The following ANGPT2 variants were observed in gnomAD, a reference collection of about 807,000 sequenced individuals.
The protein encoded by ANGPT2 is angiopoietin 2.
A neutral mutation model predicts 62.9 loss-of-function variants in ANGPT2; 28 were observed. The ratio of observed to expected loss-of-function variants is 0.44; its 90% CI spans 0.33 to 0.61. The LOEUF (loss-of-function observed/expected upper bound fraction) is 0.61, where lower values mean the gene tolerates loss of function less well. ANGPT2 is among the 20% of genes least tolerant of loss of function. The pLI is 0.03. For synonymous variants in ANGPT2, 284 were observed against 207.8 expected, an observed-to-expected ratio of 1.37 and a Z score of -3.15; for missense variants, 727 against 594.9, an observed-to-expected ratio of 1.22 and a Z score of -2.31.
intron 7 of ANGPT2, among the ~76,000 whole-genome samples, chr8:6,510,626 A>G (rs532982329): frequency 8.5e-4 from 130 of 152,332 alleles, no homozygotes; most frequent in African/African-American, 3.1e-3. Flanking sequence ...AGGTTCAGAG[A>G]TATAAACTTG....
Position 6,499,853 on chromosome 8 carries a change from T to C in ANGPT2, c.*3248A>G. The C allele has an allele frequency of 6.2e-7, 1 of 1,612,942 alleles. No individual in the cohort carries two copies. The highest frequency in any genetic ancestry group is 8.5e-7 in the Non-Finnish European group (1 of 1,179,840). ...ATCTGCTTGTTGTGTCACTTGCAGG[T>C]GCTATGGTCTTTAGAATTGGGTCAC... is the stretch of plus-strand genomic sequence containing the variant. On this transcript the variant is annotated 3_prime_UTR_variant, in exon 9 of 9. Transcript: ENST00000629816.
intron 3 of ANGPT2, among the ~76,000 whole-genome samples, chr8:6,525,370 C>T (rs894030652): frequency 5.3e-5 from 8 of 152,140 alleles, no homozygotes; most frequent in South Asian, 2.1e-4. Flanking sequence ...GGAGGGATTA[C>T]AGGTGTGTGC....
At chr8:6,556,512 T>A (rs1300280841) in intron 1 of ANGPT2, among the ~76,000 whole-genome samples, 1 of 1,796 alleles carries the variant, frequency 5.6e-4, no homozygotes, top group Non-Finnish European at 0.013. Context: ...TCTCATTTCA[T>A]TCATTTACCC....
intron 7 of ANGPT2, among the ~76,000 whole-genome samples, chr8:6,510,618 G>T (rs140252456): frequency 3.8e-4 from 58 of 152,300 alleles, no homozygotes; most frequent in East Asian, 1.5e-3. Context: ...AGTCACTGAG[G>T]TTCAGAGATA....
intron 1 of ANGPT2, among the ~76,000 whole-genome samples, chr8:6,535,742 T>G (rs927953697): frequency 6.6e-6 from 1 of 152,140 alleles, no homozygotes; most frequent in Non-Finnish European, 1.5e-5. Flanking sequence ...GTAGATATTT[T>G]GTGTTGATTT....
chr8:6,546,689 A>C (rs1445981178), intron 1 of ANGPT2, among the ~76,000 whole-genome samples: 1 of 152,212 alleles, frequency 6.6e-6, no homozygotes, highest in African/African-American at 2.4e-5. Context: ...GTGAATCACT[A>C]AGGGTCCCAT....
intron 1 of ANGPT2, among the ~76,000 whole-genome samples, chr8:6,542,291 GGT>G (rs59101845): frequency 0.04 from 6,048 of 149,372 alleles, 316 homozygotes; most frequent in African/African-American, 0.12. Flanking sequence ...GTGAGGTAGG[GGT>G]GTGTGTGTGT....
At chr8:6,519,813 A>G in intron 5 of ANGPT2, 51 bp downstream of exon 5, 1 of 1,599,238 alleles carries the variant, frequency 6.3e-7, no homozygotes, top group East Asian at 2.2e-5. Flanking sequence ...TCACTCACTA[A>G]AGTGGCCTGC....
intron 8 of ANGPT2, among the ~76,000 whole-genome samples, chr8:6,507,042 C>A (rs1296413152): frequency 6.6e-6 from 1 of 151,894 alleles, no homozygotes; most frequent in Non-Finnish European, 1.5e-5. Flanking sequence ...GGATTACAGG[C>A]GTATGCCACC....
chr8:6,547,634 A>G (rs1381225502), intron 1 of ANGPT2, among the ~76,000 whole-genome samples: 1 of 152,042 alleles, frequency 6.6e-6, no homozygotes, highest in East Asian at 1.9e-4. Flanking sequence ...ACATGTTCCT[A>G]TCAAACAGTG....
rs998218905 is a variant in ANGPT2 at position 6,527,638 on chromosome 8, C to T, written c.483G>A (p.Leu161=). ...ATTTGTTTGTCGAGAGGGAGTGTTCCAAGAGCTGAAGTTCAAGTCTCGTGG... is the reference window on the plus strand; with the variant it reads ...ATTTGTTTGTCGAGAGGGAGTGTTCTAAGAGCTGAAGTTCAAGTCTCGTGG... The part of the protein sequence containing the change: ...NQTTRLELQL[L]EHSLSTNKLE... Residue 161 remains leucine, a synonymous_variant, in exon 3 of 9, where the codon TTG becomes TTA. Coordinates refer to ENST00000629816, the MANE Select transcript of ANGPT2 (RefSeq NM_001118887.2). 4 of 1,613,874 alleles carry T rather than the reference C, an allele frequency of 2.5e-6. No individual in the cohort carries two copies. The South Asian group carries it at 3.3e-5, about 13-fold the overall frequency.
chr8:6,548,732 G>A (rs1258659282), intron 1 of ANGPT2, among the ~76,000 whole-genome samples: 3 of 152,206 alleles, frequency 2.0e-5, no homozygotes, highest in Admixed American at 6.5e-5. Context: ...AAATTATTGT[G>A]TATAACAAGC....
chr8:6,531,878 G>C (rs1028330974), intron 2 of ANGPT2, among the ~76,000 whole-genome samples: 3 of 152,208 alleles, frequency 2.0e-5, no homozygotes, highest in Non-Finnish European at 4.4e-5. Flanking sequence ...TCCACAGGCT[G>C]TGTTAGCTGT....
At chr8:6,514,853 G>A in intron 5 of ANGPT2, 75 bp from the exon 6 acceptor site, 1 of 1,313,746 alleles carries the variant, frequency 7.6e-7, no homozygotes, top group Non-Finnish European at 1.1e-6. Context: ...CAGGAGGAAT[G>A]TAGACCCTGA....
intron 3 of ANGPT2, 95 bp downstream of exon 3, chr8:6,527,459 GA>G (rs1818542551): frequency 1.5e-5 from 22 of 1,468,534 alleles, no homozygotes; most frequent in Non-Finnish European, 1.9e-5. Context: ...TAGACATGAA[GA>G]AACTCACCAT....
At chr8:6,513,963 G>A in intron 6 of ANGPT2, 119 bp from the exon 7 acceptor site, 5 of 978,776 alleles carry the variant, frequency 5.1e-6, no homozygotes, top group East Asian at 2.7e-5. Context: ...TCCTTCTGGT[G>A]CTGTGACAAT....
At chr8:6,561,989 A>T (rs897519904) in intron 1 of ANGPT2, among the ~76,000 whole-genome samples, 1 of 152,144 alleles carries the variant, frequency 6.6e-6, no homozygotes, top group Admixed American at 6.5e-5. Flanking sequence ...GCTGGAACTG[A>T]CGGGGGCTGC....
chr8:6,535,237 A>T (rs1012679862), intron 1 of ANGPT2, among the ~76,000 whole-genome samples: 3 of 152,196 alleles, frequency 2.0e-5, no homozygotes, highest in African/African-American at 7.2e-5. Context: ...GCCTTCCCCC[A>T]TTTCTAGAGC....
At position 6,513,804 on chromosome 8, in the gene ANGPT2, T is replaced by G; in HGVS notation, c.1070A>C (p.Glu357Ala). 1 of 1,613,864 alleles carries G rather than the reference T, an allele frequency of 6.2e-7. No homozygotes were observed. Among genetic ancestry groups the G allele is most frequent in the Non-Finnish European group, 8.5e-7 (1 of 1,179,954 alleles). The change falls in exon 7 of 9, where the codon GAG (glutamate) becomes GCG (alanine). Residue 357 changes from glutamate to alanine, a missense_variant. Glu to Ala is a moderately radical substitution (Grantham distance 107). Transcript: ENST00000629816. ...NPSGEYWLGN[E>A]FVSQLTNQQR... ...CTGATTAGTCAGTTGCGAAACAAAC[T>G]CATTTCCCAGCCAATATTCTCCTGA... is the stretch of plus-strand genomic sequence containing the variant.
Sources: allele counts gnomAD v4.1 joint callset (sites outside exome capture counted in the v4.1 genomes callset), GRCh38; gene constraint gnomAD v4.1.1; transcripts MANE v1.5; gene names NCBI Gene and HGNC (gene_info 2026-07-23, HGNC 2026-07-21).